Variants in SAMHD1 observed in about 807,000 individuals in gnomAD.
SAMHD1 encodes the protein SAM and HD domain containing deoxynucleoside triphosphate triphosphohydrolase 1, also known as deoxynucleoside triphosphate triphosphohydrolase SAMHD1.
A neutral mutation model predicts 79.6 loss-of-function variants in SAMHD1; 54 were observed. That is an observed-to-expected ratio of 0.68 (90% CI 0.55 to 0.85). SAMHD1 has a LOEUF of 0.85. SAMHD1 is among the 40% of genes least tolerant of loss of function. The probability of loss-of-function intolerance (pLI) is 0.00; values close to 1 mark genes in which losing one functional copy is unlikely to be tolerated. For missense variants in SAMHD1, 663 were observed against 782.7 expected (o/e 0.85, Z 1.82); for synonymous variants, 260 against 264.1 (o/e 0.98, Z 0.15).
chr20:36,913,137 C>T (rs1409903274), intron 9 of SAMHD1, among the ~76,000 whole-genome samples: 1 of 150,330 alleles, frequency 6.7e-6, no homozygotes, highest in East Asian at 2.0e-4. Flanking sequence ...GCTGGGACTA[C>T]AGGCGCCTGC....
chr20:36,914,353 CTTTCT>C (rs2063463018), intron 9 of SAMHD1, among the ~76,000 whole-genome samples: 1 of 144,014 alleles, frequency 6.9e-6, no homozygotes, highest in African/African-American at 2.7e-5. Flanking sequence ...GAATTTCTTT[CTTTCT>C]TTTTTTTTTT....
chr20:36,908,047 T>A (rs1224510140), intron 11 of SAMHD1, among the ~76,000 whole-genome samples: 1 of 151,678 alleles, frequency 6.6e-6, no homozygotes, highest in Non-Finnish European at 1.5e-5. Context: ...GCTAATACTT[T>A]GTATTTTTAG....
At chr20:36,903,598 G>T (rs1266483624) in intron 13 of SAMHD1, among the ~76,000 whole-genome samples, 26 of 143,822 alleles carry the variant, frequency 1.8e-4, no homozygotes, top group African/African-American at 6.8e-4. Flanking sequence ...TGCCCAGGCT[G>T]GAGTGCAGTG....
At chr20:36,901,841 T>C (rs952784565) in intron 13 of SAMHD1, among the ~76,000 whole-genome samples, 15 of 152,206 alleles carry the variant, frequency 9.9e-5, no homozygotes, top group African/African-American at 3.6e-4. Context: ...CTAGTGACTA[T>C]GGAAAGGGAC....
chr20:36,950,974 A>T lies in SAMHD1; in HGVS notation c.208+462T>A, dbSNP rs7346531. On this transcript the variant is annotated intron_variant, in intron 1 of 15. Coordinates refer to ENST00000646673, the MANE Select transcript of SAMHD1 (RefSeq NM_015474.4). ...GGGTCCCGCGAGCCTGGATGACAGC[A>T]AGCCGCCCACCAAGGTCTGGGGAAA... 2.0e-3 allele frequency among the ~76,000 whole-genome samples: 310 copies of T among 152,318 alleles called. 6 individuals are homozygous for T. The highest frequency in any genetic ancestry group is 7.3e-3 in the African/African-American group (302 of 41,576).
chr20:36,902,913 A>AT (rs1286497742), intron 13 of SAMHD1, among the ~76,000 whole-genome samples: 2 of 151,642 alleles, frequency 1.3e-5, no homozygotes, highest in Non-Finnish European at 1.5e-5. Flanking sequence ...GATTTTTTGT[A>AT]TTTTTAGTAG....
Position 36,912,885 on chromosome 20 carries a change from C to CTTTTT in SAMHD1, c.1063-334_1063-333insAAAAA, listed in dbSNP as rs1374227156. 3.0e-3 allele frequency among the ~76,000 whole-genome samples: 24 copies of CTTTTT among 8,130 alleles called. 1 individual carries two copies. Among genetic ancestry groups the CTTTTT allele is most frequent in the African/African-American group, 6.3e-3 (15 of 2,366 alleles). The allele number at this position is 8,130 out of a possible 152,430, so 5.3% of individuals were successfully genotyped here. ...CCACTGTACCCAGCTAACTTTCATT[C>CTTTTT]TTTGTTTTTTTTTTTTTTTTTTTTT... On this transcript the variant is annotated intron_variant, in intron 9 of 15. Transcript: ENST00000646673.
intron 9 of SAMHD1, among the ~76,000 whole-genome samples, chr20:36,916,092 C>T (rs981879418): frequency 2.0e-5 from 3 of 150,748 alleles, no homozygotes; most frequent in Admixed American, 1.3e-4. Context: ...ACCCGGGAGG[C>T]GGAGCTTGCA....
chr20:36,916,892 T>C, intron 8 of SAMHD1, 57 bp downstream of exon 8: 2 of 1,567,674 alleles, frequency 1.3e-6, no homozygotes, highest in South Asian at 2.2e-5. Context: ...CCTTAAATAG[T>C]AATACTAAAT....
rs1203325968 is a variant in SAMHD1 at position 36,946,730 on chromosome 20, ATTCT to A, written c.275+4_275+7del. 6.2e-7 allele frequency: 1 copy of A among 1,605,928 alleles called. No individual in the cohort carries two copies. Among genetic ancestry groups the A allele is most frequent in the African/African-American group, 1.3e-5 (1 of 74,942 alleles). On this transcript the variant is annotated splice_donor_5th_base_variant and intron_variant, in intron 2 of 15. Coordinates refer to ENST00000646673, the MANE Select transcript of SAMHD1 (RefSeq NM_015474.4). ...GGTTATAACGTGAATTTATTTCTTC[ATTCT>A]TACCTTACTCCAAGATTTTCAAAAC...
chr20:36,929,158 G>A (rs770896515), intron 5 of SAMHD1, among the ~76,000 whole-genome samples: 9 of 151,954 alleles, frequency 5.9e-5, no homozygotes, highest in Non-Finnish European at 1.2e-4. Context: ...ATAAAGGCTC[G>A]CTAATGCAGT....
At chr20:36,938,636 A>C (rs983574220) in intron 3 of SAMHD1, among the ~76,000 whole-genome samples, 3 of 151,922 alleles carry the variant, frequency 2.0e-5, no homozygotes, top group African/African-American at 7.2e-5. Context: ...GGAGATCGAG[A>C]CCATCCTAGC....
At chr20:36,928,888 C>T (rs991644383) in intron 5 of SAMHD1, among the ~76,000 whole-genome samples, 9 of 151,640 alleles carry the variant, frequency 5.9e-5, no homozygotes, top group African/African-American at 2.2e-4. Context: ...GAAACCTCAT[C>T]TCTACTAAAA....
chr20:36,943,188 C>A (rs1397973483), intron 2 of SAMHD1, among the ~76,000 whole-genome samples: 1 of 152,080 alleles, frequency 6.6e-6, no homozygotes, highest in African/African-American at 2.4e-5. Flanking sequence ...AAGTTGATTG[C>A]ATTGGTACTA....
At chr20:36,950,246 T>G (rs959075859) in intron 1 of SAMHD1, among the ~76,000 whole-genome samples, 3 of 151,838 alleles carry the variant, frequency 2.0e-5, no homozygotes. Context: ...ATGGAACTAC[T>G]TCACTCCACT....
At chr20:36,917,348 A>C (rs1221524826) in intron 7 of SAMHD1, 1 of 345,684 alleles carries the variant, frequency 2.9e-6, no homozygotes, top group Non-Finnish European at 5.4e-6. Context: ...TTGGTTTATA[A>C]GTTTTTGAAA....
rs182181346 is a variant in SAMHD1, at chr20:36,948,813, G to A, written c.209-2009C>T. Reference sequence around the variant, plus strand: ...ACCCGGGAGGCAGAGGTTACAGTGAGCCGAGATCACACCACTGCATTTCAG... The same window carrying A: ...ACCCGGGAGGCAGAGGTTACAGTGAACCGAGATCACACCACTGCATTTCAG... On this transcript the variant is annotated intron_variant, in intron 1 of 15. Transcript: ENST00000646673. Among the ~76,000 whole-genome samples, 249 of 146,986 alleles carry A rather than the reference G, an allele frequency of 1.7e-3. 1 individual carries two copies. Among genetic ancestry groups the A allele is most frequent in the African/African-American group, 6.0e-3 (239 of 39,638 alleles).
At chr20:36,942,424 C>A (rs966099151) in intron 2 of SAMHD1, among the ~76,000 whole-genome samples, 2 of 151,948 alleles carry the variant, frequency 1.3e-5, no homozygotes, top group Admixed American at 1.3e-4. Flanking sequence ...AACTCAAAAA[C>A]AAAACAAAAC....
At chr20:36,941,593 G>A (rs553109214) in intron 2 of SAMHD1, among the ~76,000 whole-genome samples, 1 of 152,098 alleles carries the variant, frequency 6.6e-6, no homozygotes, top group Non-Finnish European at 1.5e-5. Context: ...AATACATAAT[G>A]GGAATTAAAT....
Sources: allele counts gnomAD v4.1 joint callset (sites outside exome capture counted in the v4.1 genomes callset), GRCh38; gene constraint gnomAD v4.1.1; transcripts MANE v1.5; gene names NCBI Gene and HGNC (gene_info 2026-07-23, HGNC 2026-07-21).